MSH3: variants seen among roughly 807,000 people sequenced by gnomAD.
MSH3 encodes the protein DNA mismatch repair protein Msh3.
Under a neutral mutation model 123.3 loss-of-function variants are expected in MSH3, and 106 were observed. The ratio of observed to expected loss-of-function variants is 0.86; its 90% confidence interval spans 0.73 to 1.01. MSH3 has a LOEUF of 1.01. Ranked by LOEUF, MSH3 falls within the 50% of genes least tolerant of loss-of-function variation. MSH3 has a pLI of 0.00. For missense variants in MSH3, 1,459 were observed against 1,347.6 expected (o/e 1.08, Z -1.29); for synonymous variants, 515 against 481.4 (o/e 1.07, Z -0.91).
chr5:80,778,580 T>A (rs1744347248), intron 16 of MSH3, 140 bp from the exon 17 acceptor site: 1 of 683,112 alleles, frequency 1.5e-6, no homozygotes. Context: ...AGGACCATAA[T>A]TAAAGAATGT....
intron 8 of MSH3, among the ~76,000 whole-genome samples, chr5:80,707,217 T>A (rs1384204748): frequency 6.6e-6 from 1 of 152,240 alleles, no homozygotes; most frequent in East Asian, 1.9e-4. Context: ...AGTAGTTCAT[T>A]CCTTTTTCTC....
intron 7 of MSH3, among the ~76,000 whole-genome samples, chr5:80,676,526 A>G (rs1561438735): frequency 6.6e-6 from 1 of 152,158 alleles, no homozygotes; most frequent in Non-Finnish European, 1.5e-5. Context: ...TCTAATTTCT[A>G]CGGTCAGTGG....
chr5:80,817,931 C>T (rs1224199385), intron 20 of MSH3, among the ~76,000 whole-genome samples: 2 of 152,134 alleles, frequency 1.3e-5, no homozygotes, highest in Non-Finnish European at 1.5e-5. Context: ...ACTGAATAGT[C>T]GGGCATGGTG....
At chr5:80,706,975 C>G (rs1037261967) in intron 8 of MSH3, among the ~76,000 whole-genome samples, 2 of 152,218 alleles carry the variant, frequency 1.3e-5, no homozygotes, top group African/African-American at 4.8e-5. Flanking sequence ...AAATTAAGAT[C>G]TAGAACATTT....
intron 8 of MSH3, among the ~76,000 whole-genome samples, chr5:80,704,619 T>C (rs1750679163): frequency 6.6e-6 from 1 of 152,214 alleles, no homozygotes; most frequent in Non-Finnish European, 1.5e-5. Flanking sequence ...AATCAGGATT[T>C]AGATGTGAGG....
intron 4 of MSH3, 145 bp downstream of exon 4, chr5:80,670,454 C>A: frequency 1.1e-6 from 1 of 915,040 alleles, no homozygotes; most frequent in South Asian, 1.6e-5. Flanking sequence ...AAAGTAAAAA[C>A]TAAAAATGAA....
At chr5:80,672,042 C>T (rs1347906955) in intron 4 of MSH3, among the ~76,000 whole-genome samples, 1 of 152,120 alleles carries the variant, frequency 6.6e-6, no homozygotes, top group East Asian at 1.9e-4. Context: ...AGTTAGGTCA[C>T]TGGAACTGCC....
chr5:80,760,888 A>G (rs1744020978), intron 12 of MSH3, among the ~76,000 whole-genome samples: 1 of 152,176 alleles, frequency 6.6e-6, no homozygotes, highest in African/African-American at 2.4e-5. Flanking sequence ...CCCATGCTTC[A>G]GAACTGAGGT....
chr5:80,744,151 G>A (rs1743671427), intron 11 of MSH3, among the ~76,000 whole-genome samples: 1 of 152,140 alleles, frequency 6.6e-6, no homozygotes, highest in Admixed American at 6.6e-5. Context: ...TTATAAAATG[G>A]TAACTGTGAA....
At chr5:80,699,449 T>C (rs769137873) in intron 8 of MSH3, among the ~76,000 whole-genome samples, 1 of 150,900 alleles carries the variant, frequency 6.6e-6, no homozygotes, top group Non-Finnish European at 1.5e-5. Context: ...TCCTAGCTAC[T>C]TGGGAGGCTG....
intron 17 of MSH3, among the ~76,000 whole-genome samples, chr5:80,781,793 C>G (rs1321715600): frequency 5.3e-5 from 8 of 152,132 alleles, no homozygotes; most frequent in Admixed American, 5.2e-4. Context: ...TCTAACAGCC[C>G]ATTATTACCT....
chr5:80,697,867 T>C (rs1750518746), intron 8 of MSH3, among the ~76,000 whole-genome samples: 1 of 152,216 alleles, frequency 6.6e-6, no homozygotes, highest in Non-Finnish European at 1.5e-5. Flanking sequence ...TTAAATTGGA[T>C]ACCAGGAAAT....
At chr5:80,870,174 C>A (rs1164376324) in intron 22 of MSH3, among the ~76,000 whole-genome samples, 237 of 105,634 alleles carry the variant, frequency 2.2e-3, no homozygotes, top group Admixed American at 3.2e-3. Context: ...AACTCCGTCT[C>A]AAAAAAAAAA....
intron 8 of MSH3, among the ~76,000 whole-genome samples, chr5:80,700,104 G>A (rs1490699706): frequency 6.6e-6 from 1 of 152,164 alleles, no homozygotes; most frequent in South Asian, 2.1e-4. Flanking sequence ...TGTGGGCCTG[G>A]CAGGGTGGCT....
intron 8 of MSH3, among the ~76,000 whole-genome samples, chr5:80,682,890 A>G (rs547720476): frequency 1.3e-5 from 2 of 151,944 alleles, no homozygotes; most frequent in South Asian, 4.1e-4. Context: ...CCATCTTTCT[A>G]CTCTCTATCT....
chr5:80,726,412 A>T (rs1228230828), intron 9 of MSH3, among the ~76,000 whole-genome samples: 3 of 152,180 alleles, frequency 2.0e-5, no homozygotes, highest in African/African-American at 7.2e-5. Context: ...TCTTGTTAGC[A>T]TGTCTCTTTA....
chr5:80,704,895 C>G (rs1750684725), intron 8 of MSH3, among the ~76,000 whole-genome samples: 2 of 152,150 alleles, frequency 1.3e-5, no homozygotes, highest in Admixed American at 6.5e-5. Context: ...TTGCCATGCT[C>G]ACAACCCCAT....
At chr5:80,737,923 A>G (rs1743541879) in intron 10 of MSH3, among the ~76,000 whole-genome samples, 1 of 152,192 alleles carries the variant, frequency 6.6e-6, no homozygotes, top group South Asian at 2.1e-4. Flanking sequence ...AGTTTAAAAA[A>G]ACTCTTAGTG....
rs1749741675 is a variant in MSH3, at chr5:80,672,317, G to A, written c.866G>A (p.Arg289Lys). 2 of 1,614,012 alleles carry A rather than the reference G, an allele frequency of 1.2e-6. No individual in the cohort carries two copies. The highest frequency in any genetic ancestry group is 1.7e-6 in the Non-Finnish European group (2 of 1,179,954). Residue 289 changes from arginine to lysine, a missense_variant, in exon 5 of 24, where the codon AGA becomes AAA. Coordinates refer to ENST00000265081, the MANE Select transcript of MSH3 (RefSeq NM_002439.5). ...ATGACAGCAAGTATACCTACTCACA[G>A]ACTGTTTGTTCATGTACGCCGCCTG... ...NFMTASIPTH[R>K]LFVHVRRLVA...
Sources: allele counts gnomAD v4.1 joint callset (sites outside exome capture counted in the v4.1 genomes callset), GRCh38; gene constraint gnomAD v4.1.1; transcripts MANE v1.5; gene names NCBI Gene and HGNC (gene_info 2026-07-23, HGNC 2026-07-21).